ADAMTS17: variants seen among roughly 807,000 people sequenced by gnomAD.
ADAMTS17 encodes ADAM metallopeptidase with thrombospondin type 1 motif 17.
Under a neutral mutation model 141.5 loss-of-function variants are expected in ADAMTS17, and 113 were observed. The ratio of observed to expected loss-of-function variants is 0.80; its 90% CI spans 0.69 to 0.93. The LOEUF (loss-of-function observed/expected upper bound fraction) is 0.93, where lower values mean the gene tolerates loss of function less well. Among genes scored for constraint, ADAMTS17 ranks in the 40% least tolerant of loss-of-function variants. The pLI is 0.00. For missense variants in ADAMTS17, 1,659 were observed against 1,517.9 expected, an observed-to-expected ratio of 1.09 and a Z score of -1.54; for synonymous variants, 768 against 630.6, an observed-to-expected ratio of 1.22 and a Z score of -3.27.
chr15:100,137,747 T>G (rs1186304970), intron 10 of ADAMTS17, among the ~76,000 whole-genome samples: 1 of 152,232 alleles, frequency 6.6e-6, no homozygotes, highest in Non-Finnish European at 1.5e-5. Flanking sequence ...CAATGTGTGA[T>G]GAGCACATGC....
chr15:100,115,190 A>G (rs1468226589), intron 13 of ADAMTS17, among the ~76,000 whole-genome samples: 4 of 152,176 alleles, frequency 2.6e-5, no homozygotes, highest in African/African-American at 7.2e-5. Flanking sequence ...CTCGCTTCCA[A>G]TTAGGGGTCT....
rs953760036 is a variant in ADAMTS17 at position 100,216,829 on chromosome 15, G to A, written c.1076-17406C>T. 3.9e-5 allele frequency among the ~76,000 whole-genome samples: 6 copies of A among 152,182 alleles called. No homozygotes were observed. In the South Asian group the frequency reaches 1.2e-3, roughly 31 times the overall value. ...AACTTTTTCAGATTTTGAGATAGGT[G>A]AATTCATAATAATTAAGTAACAATA... On this transcript the variant is annotated intron_variant, in intron 7 of 21. Transcript: ENST00000268070.
In ADAMTS17 at chr15:100,310,266, C is replaced by T. The variant is rs182181251; in HGVS notation, c.616+20623G>A. 2.6e-3 allele frequency among the ~76,000 whole-genome samples: 393 copies of T among 152,322 alleles called. 1 individual carries two copies. The highest frequency in any genetic ancestry group is 3.4e-3 in the Non-Finnish European group (229 of 68,042). On this transcript the variant is annotated intron_variant, in intron 3 of 21. Transcript: ENST00000268070. The stretch of plus-strand genomic sequence containing the variant: ...GGAGACTCCGAACCTAAGCTGTGCC[C>T]GCTGTCGACCATCAGCCCCACACAG...
In ADAMTS17 at chr15:100,131,979, T is replaced by C. The variant is rs368289634; in HGVS notation, c.1721+28A>G. On this transcript the variant is annotated intron_variant, in intron 12 of 21. Transcript: ENST00000268070. Reference sequence around the variant, plus strand: ...GTTGGGAAACTCCAATCGTGGCACGTTGGGGTATGGCTGGTCAGGGGACTT... The same window carrying C: ...GTTGGGAAACTCCAATCGTGGCACGCTGGGGTATGGCTGGTCAGGGGACTT... The C allele has an allele frequency of 8.7e-6, 14 of 1,613,964 alleles. No homozygotes were observed. The South Asian group carries it at 1.1e-4, about 13-fold the overall frequency.
In ADAMTS17 at chr15:100,283,131, G is replaced by A. The variant is rs1215315507; in HGVS notation, c.617-1730C>T. Among the ~76,000 whole-genome samples, 3 of 152,170 alleles carry A rather than the reference G, an allele frequency of 2.0e-5. No individual in the cohort carries two copies. In the South Asian group the frequency reaches 6.2e-4, roughly 32 times the overall value. On this transcript the variant is annotated intron_variant, in intron 3 of 21. Transcript: ENST00000268070. ...TAAACGATAAAACAGAAGCTCTCGAGGGAGAAAAGTATGCCATCTGATTTA... is the reference window on the plus strand; with the variant it reads ...TAAACGATAAAACAGAAGCTCTCGAAGGAGAAAAGTATGCCATCTGATTTA...
chr15:100,089,819 C>T (rs1280075458), intron 15 of ADAMTS17, among the ~76,000 whole-genome samples: 1 of 112,480 alleles, frequency 8.9e-6, no homozygotes, highest in African/African-American at 3.5e-5. Flanking sequence ...ACATCACACA[C>T]TGGGGACTGT....
intron 7 of ADAMTS17, among the ~76,000 whole-genome samples, chr15:100,205,184 A>G (rs2041487596): frequency 6.6e-6 from 1 of 152,126 alleles, no homozygotes; most frequent in Admixed American, 6.5e-5. Flanking sequence ...TGTCTCTGGT[A>G]AGAGAATCAC....
At chr15:99,976,375 C>T (rs775400856) in intron 20 of ADAMTS17, 153 bp from the exon 21 acceptor site, 33 of 992,942 alleles carry the variant, frequency 3.3e-5, no homozygotes, top group African/African-American at 1.1e-4. Flanking sequence ...TGTGGCACTG[C>T]GGAGACAGGA....
chr15:100,165,100 A>G (rs963852759), intron 8 of ADAMTS17, among the ~76,000 whole-genome samples: 41 of 152,212 alleles, frequency 2.7e-4, no homozygotes, highest in Non-Finnish European at 4.7e-4. Flanking sequence ...CTCAAGGGAC[A>G]TTGGACTATA....
intron 10 of ADAMTS17, among the ~76,000 whole-genome samples, chr15:100,134,887 G>A (rs2038245551): frequency 6.6e-6 from 1 of 152,164 alleles, no homozygotes; most frequent in Non-Finnish European, 1.5e-5. Context: ...TCAAAGGAAT[G>A]GTAAAAAGAT....
At chr15:100,203,874 G>T (rs1403412449) in intron 7 of ADAMTS17, among the ~76,000 whole-genome samples, 1 of 151,744 alleles carries the variant, frequency 6.6e-6, no homozygotes, top group Non-Finnish European at 1.5e-5. Context: ...CTGCAGCCTG[G>T]GTGACAGACC....
At chr15:100,274,483 C>A (rs77914219) in intron 4 of ADAMTS17, among the ~76,000 whole-genome samples, 10,745 of 152,236 alleles carry the variant, frequency 0.071, 400 homozygotes, top group Non-Finnish European at 0.086. Context: ...AGTATAGCTA[C>A]TCCTGCTCTC....
At chr15:100,225,622 G>A (rs2042275898) in intron 7 of ADAMTS17, among the ~76,000 whole-genome samples, 1 of 150,794 alleles carries the variant, frequency 6.6e-6, no homozygotes, top group Non-Finnish European at 1.5e-5. Flanking sequence ...AGCAGTCACG[G>A]TCTCTGTGCC....
At chr15:100,154,135 C>T (rs965142184) in intron 9 of ADAMTS17, among the ~76,000 whole-genome samples, 2 of 151,350 alleles carry the variant, frequency 1.3e-5, no homozygotes, top group South Asian at 2.1e-4. Flanking sequence ...GAGCCAAGAT[C>T]GCACCACTGC....
chr15:100,316,277 C>A (rs2045562716), intron 3 of ADAMTS17, among the ~76,000 whole-genome samples: 1 of 152,178 alleles, frequency 6.6e-6, no homozygotes, highest in African/African-American at 2.4e-5. Context: ...AGCCCCTCCT[C>A]AAGCATGTGA....
intron 3 of ADAMTS17, among the ~76,000 whole-genome samples, chr15:100,310,314 T>A (rs1596493962): frequency 6.6e-6 from 1 of 152,002 alleles, no homozygotes; most frequent in South Asian, 2.1e-4. Context: ...TAATAAAGCA[T>A]CCCCCAAAAG....
At chr15:100,143,385 G>C (rs2038750105) in intron 10 of ADAMTS17, among the ~76,000 whole-genome samples, 1 of 152,184 alleles carries the variant, frequency 6.6e-6, no homozygotes, top group South Asian at 2.1e-4. Flanking sequence ...TTTGCTGACA[G>C]ACAGGAGAAA....
intron 8 of ADAMTS17, among the ~76,000 whole-genome samples, chr15:100,183,664 G>C (rs1184752590): frequency 6.6e-6 from 1 of 152,106 alleles, no homozygotes; most frequent in Non-Finnish European, 1.5e-5. Context: ...GGCTTGCCTA[G>C]TCTTAGTATG....
rs1292528565 is a variant in ADAMTS17 at position 100,149,461 on chromosome 15, CCCTGGTCACCTGCTCCGTCCTGATTCAT to C, written c.1473+3123_1473+3150del. ...TTTAATCAGTAGTTCACATCTGTTCCCCTGGTCACCTGCTCCGTCCTGATTCATCCTGGTCACCTGCTTTGACCTGAGT... is the reference window on the plus strand; with the variant it reads ...TTTAATCAGTAGTTCACATCTGTTCCCCTGGTCACCTGCTTTGACCTGAGT... On this transcript the variant is annotated intron_variant, in intron 10 of 21. Coordinates refer to ENST00000268070, the MANE Select transcript of ADAMTS17 (RefSeq NM_139057.4). 1.3e-3 allele frequency among the ~76,000 whole-genome samples: 202 copies of C among 152,266 alleles called. 1 individual carries two copies. Among genetic ancestry groups the C allele is most frequent in the African/African-American group, 4.6e-3 (191 of 41,530 alleles).
Sources: gnomAD v4.1 joint callset for allele counts (sites outside exome capture counted in the v4.1 genomes callset) on GRCh38, gnomAD v4.1.1 for gene constraint, MANE v1.5 for transcripts, NCBI Gene and HGNC (gene_info 2026-07-23, HGNC 2026-07-21) for gene names.